Variants in ADAMTSL1 observed in about 807,000 individuals in gnomAD.
The protein encoded by ADAMTSL1 is ADAMTS-like protein 1.
In ADAMTSL1, 126 loss-of-function variants were observed where a neutral mutation model predicts 201.8. That is an observed-to-expected ratio of 0.62 (90% CI 0.54 to 0.72). The LOEUF (loss-of-function observed/expected upper bound fraction) is 0.72. ADAMTSL1 is among the 30% of genes least tolerant of loss of function. ADAMTSL1 has a pLI of 0.00. For synonymous variants in ADAMTSL1, 1,121 were observed against 903.4 expected (o/e 1.24, Z -4.32); for missense variants, 2,679 against 2,277.8 (o/e 1.18, Z -3.59).
intron 3 of ADAMTSL1, among the ~76,000 whole-genome samples, chr9:18,562,002 G>A (rs1821535311): frequency 1.3e-5 from 2 of 152,088 alleles, no homozygotes; most frequent in South Asian, 4.2e-4. Flanking sequence ...CTTTTAATTG[G>A]GGCATTTAGT....
At chr9:18,847,076 G>T (rs1481326476) in intron 23 of ADAMTSL1, among the ~76,000 whole-genome samples, 1 of 152,164 alleles carries the variant, frequency 6.6e-6, no homozygotes, top group East Asian at 1.9e-4. Context: ...ACATCTACCT[G>T]CTCAGGCTTT....
rs79142066 is a variant in ADAMTSL1 at position 18,142,968 on chromosome 9, A to G, written c.88-20894A>G. Reference sequence around the variant, plus strand: ...TGGTTTTGAAGATGAACTAGTGTACATGAAACACTAGTCTGGGTTTTGGAA... The same window carrying G: ...TGGTTTTGAAGATGAACTAGTGTACGTGAAACACTAGTCTGGGTTTTGGAA... On this transcript the variant is annotated intron_variant, in intron 1 of 29. Transcript: ENST00000680146. Among the ~76,000 whole-genome samples the G allele has an allele frequency of 1.9e-3, 290 of 152,308 alleles. 2 individuals carry two copies. The highest frequency in any genetic ancestry group is 6.8e-3 in the African/African-American group (282 of 41,578).
chr9:18,472,619 C>G (rs1007695337), upstream of ADAMTSL1, among the ~76,000 whole-genome samples: 2 of 152,128 alleles, frequency 1.3e-5, no homozygotes, highest in Non-Finnish European at 2.9e-5. Context: ...TGAAAAGCAA[C>G]GCAGCAGGTA....
chr9:18,585,231 G>C (rs1823405919), intron 4 of ADAMTSL1, among the ~76,000 whole-genome samples: 1 of 152,080 alleles, frequency 6.6e-6, no homozygotes, highest in African/African-American at 2.4e-5. Context: ...CATTTATGAA[G>C]TGAAAGAGTT....
chr9:17,913,065 T>C (rs538840792), intron 1 of ADAMTSL1, among the ~76,000 whole-genome samples: 3 of 152,220 alleles, frequency 2.0e-5, no homozygotes, highest in African/African-American at 7.2e-5. Flanking sequence ...ATCTCTGTTT[T>C]GGTACCAGTA....
At chr9:18,010,733 G>T (rs1375600620) in intron 1 of ADAMTSL1, among the ~76,000 whole-genome samples, 1 of 151,916 alleles carries the variant, frequency 6.6e-6, no homozygotes, top group African/African-American at 2.4e-5. Flanking sequence ...TGTTCCATTT[G>T]GTCGATGTAA....
intron 1 of ADAMTSL1, among the ~76,000 whole-genome samples, chr9:18,143,236 G>A (rs1486461960): frequency 7.2e-5 from 11 of 152,162 alleles, no homozygotes; most frequent in Admixed American, 7.2e-4. Context: ...TCCCCTTAAG[G>A]GGTATGCTCT....
intron 1 of ADAMTSL1, among the ~76,000 whole-genome samples, chr9:17,938,694 T>C (rs1827110278): frequency 6.6e-6 from 1 of 152,156 alleles, no homozygotes; most frequent in Admixed American, 6.5e-5. Context: ...CCAGTCATCT[T>C]CCTCCGACAA....
At chr9:18,304,291 C>T (rs1230772562) in intron 2 of ADAMTSL1, among the ~76,000 whole-genome samples, 1 of 151,946 alleles carries the variant, frequency 6.6e-6, no homozygotes, top group Non-Finnish European at 1.5e-5. Context: ...TCTTTCACTC[C>T]TGCCCCTACC....
chr9:18,145,024 A>C (rs554975065), intron 1 of ADAMTSL1, among the ~76,000 whole-genome samples: 2 of 152,322 alleles, frequency 1.3e-5, no homozygotes, highest in East Asian at 3.9e-4. Context: ...AGCTGCTGTG[A>C]GAGCTGGAGT....
chr9:18,700,890 C>A (rs1831884374), intron 13 of ADAMTSL1, among the ~76,000 whole-genome samples: 1 of 152,134 alleles, frequency 6.6e-6, no homozygotes, highest in South Asian at 2.1e-4. Context: ...ATTTAACCTA[C>A]CTCATTAACC....
intron 1 of ADAMTSL1, among the ~76,000 whole-genome samples, chr9:18,122,831 C>A (rs2131927595): frequency 6.6e-6 from 1 of 152,118 alleles, no homozygotes; most frequent in African/African-American, 2.4e-5. Flanking sequence ...TCAACCTCCC[C>A]AGGCTCAGGC....
intron 1 of ADAMTSL1, among the ~76,000 whole-genome samples, chr9:18,033,218 T>G (rs1586924006): frequency 6.6e-6 from 1 of 152,242 alleles, no homozygotes; most frequent in East Asian, 1.9e-4. Context: ...AAATAGATTC[T>G]TATGGTACCA....
chr9:18,643,893 G>C (rs139024333), intron 7 of ADAMTSL1, among the ~76,000 whole-genome samples: 2 of 150,236 alleles, frequency 1.3e-5, no homozygotes, highest in African/African-American at 2.4e-5. Context: ...GAATTTTAGG[G>C]TTTTTTTTTC....
In ADAMTSL1 at chr9:18,400,906, G is replaced by C. The variant is rs191269469; in HGVS notation, c.208-103923G>C. On this transcript the variant is annotated intron_variant, in intron 2 of 29. Transcript: ENST00000680146. ...TCAGGACAGCTGGCAATAACTGTAC[G>C]ATACCCTGGAGTAATTGTAAACAGC... Among the ~76,000 whole-genome samples the C allele has an allele frequency of 2.0e-5, 3 of 152,086 alleles. No homozygotes were observed. In the South Asian group the frequency reaches 6.2e-4, roughly 31 times the overall value.
chr9:18,401,679 G>A (rs182339677), intron 2 of ADAMTSL1, among the ~76,000 whole-genome samples: 1 of 152,274 alleles, frequency 6.6e-6, no homozygotes, highest in East Asian at 1.9e-4. Context: ...TGTGCTTCTT[G>A]CCTTCTTTTT....
chr9:18,409,383 C>CAAAAAAAAAAAAAAAAAAAGAA (rs1818335832), intron 2 of ADAMTSL1, among the ~76,000 whole-genome samples: 1 of 77,234 alleles, frequency 1.3e-5, no homozygotes, highest in African/African-American at 4.4e-5. Context: ...AACTCCGTCT[C>CAAAAAAAAAAAAAAAAAAAGAA]AAAAAAAAAA....
At chr9:17,954,698 C>A (rs1827862211) in intron 1 of ADAMTSL1, among the ~76,000 whole-genome samples, 1 of 151,878 alleles carries the variant, frequency 6.6e-6, no homozygotes, top group Non-Finnish European at 1.5e-5. Context: ...GTAGTTTGAG[C>A]CAGAGAAGTG....
In ADAMTSL1 at chr9:18,370,510, G is replaced by T. The variant is rs139053211; in HGVS notation, c.208-134319G>T. The stretch of plus-strand genomic sequence containing the variant: ...CAACCTACGTAAAGCACTTAGCAGG[G>T]TGCCTCATGCACGCCAATGGCTCAA... On this transcript the variant is annotated intron_variant, in intron 2 of 29. Transcript: ENST00000680146. Among the ~76,000 whole-genome samples the T allele has an allele frequency of 2.2e-4, 34 of 152,178 alleles. 1 individual carries two copies. Among genetic ancestry groups the T allele is most frequent in the African/African-American group, 7.9e-4 (33 of 41,510 alleles).
Sources: gnomAD v4.1 joint callset for allele counts (sites outside exome capture counted in the v4.1 genomes callset) on GRCh38, gnomAD v4.1.1 for gene constraint, MANE v1.5 for transcripts, NCBI Gene and HGNC (gene_info 2026-07-23, HGNC 2026-07-21) for gene names.